PDE4A: variants seen among roughly 807,000 people sequenced by gnomAD.
PDE4A encodes phosphodiesterase 4A.
PDE4A carries 21 observed loss-of-function variants against 73.9 expected under a neutral mutation model. That is an observed-to-expected ratio of 0.28 (90% confidence interval 0.20 to 0.41). PDE4A has a LOEUF of 0.41. Ranked by LOEUF, PDE4A falls within the 10% of genes least tolerant of loss-of-function variation. PDE4A has a pLI of 1.00. For missense variants in PDE4A, 958 were observed against 1,211.4 expected, an observed-to-expected ratio of 0.79 and a Z score of 3.10; for synonymous variants, 463 against 505.4, an observed-to-expected ratio of 0.92 and a Z score of 1.13.
Position 10,420,829 on chromosome 19 carries a change from G to T in PDE4A, c.65G>T (p.Gly22Val). ...LSLSLPGPREGQATLKPPPQH... is the reference protein window; with the variant it reads ...LSLSLPGPREVQATLKPPPQH... ...CTGTCACTGCCCGGGCCCCGGGAGG[G>T]CCAGGCCACCCTGAAGCCTCCCCCG... Residue 22 changes from glycine (G) to valine (V), a missense_variant, in exon 1 of 15, where the codon GGC becomes GTC. Coordinates refer to ENST00000380702, the MANE Select transcript of PDE4A (RefSeq NM_001111307.2). This position sits in a 1 kb window ranked among gnomAD's most constrained non-coding sequence, Gnocchi z 6.0. 6.3e-7 allele frequency: 1 copy of T among 1,588,424 alleles called. No homozygotes were observed.
At chr19:10,419,156 C>A, upstream of PDE4A, 3 of 883,540 alleles carry the variant, frequency 3.4e-6, no homozygotes, top group East Asian at 3.0e-4. Flanking sequence ...TGACAGGGGG[C>A]GCACGGGGGC....
Position 10,425,984 on chromosome 19 carries a change from C to CAAAAAAAAA in PDE4A, c.320+4921_320+4929dup, listed in dbSNP as rs1168197109. Among the ~76,000 whole-genome samples the CAAAAAAAAA allele has an allele frequency of 4.5e-4, 22 of 48,388 alleles. 1 individual carries two copies. Among genetic ancestry groups the CAAAAAAAAA allele is most frequent in the African/African-American group, 1.4e-3 (15 of 10,764 alleles). The allele number at this position is 48,388 out of a possible 152,430, so 31.7% of individuals were successfully genotyped here. On this transcript the variant is annotated intron_variant, in intron 1 of 14. Coordinates refer to ENST00000380702, the MANE Select transcript of PDE4A (RefSeq NM_001111307.2). ...TCTGGGCGAGAGACTGAGACCCTGT[C>CAAAAAAAAA]AAAAAAAAAAAAAAAAAAAAAAAAA...
chr19:10,463,339 C>T (rs2043307260), intron 13 of PDE4A, among the ~76,000 whole-genome samples: 1 of 151,520 alleles, frequency 6.6e-6, no homozygotes, highest in Admixed American at 6.6e-5. Context: ...ATCTGCCCAC[C>T]TTGGCCTCCC....
intron 1 of PDE4A, among the ~76,000 whole-genome samples, chr19:10,442,042 G>A (rs911301259): frequency 1.3e-5 from 2 of 152,016 alleles, no homozygotes; most frequent in Non-Finnish European, 2.9e-5. Context: ...CAGCACCATC[G>A]TTTTGAAAAG....
intron 14 of PDE4A, 167 bp from the exon 15 acceptor site, chr19:10,466,720 C>T (rs1758205496): frequency 1.8e-6 from 1 of 563,234 alleles, no homozygotes; most frequent in South Asian, 7.8e-5. Flanking sequence ...TCTCGAACTC[C>T]TGACCTCAAA....
upstream of PDE4A, among the ~76,000 whole-genome samples, chr19:10,419,287 T>TG (rs1448273724): frequency 3.7e-5 from 2 of 53,728 alleles, no homozygotes; most frequent in African/African-American, 7.5e-5. Flanking sequence ...CAGCCATCCT[T>TG]GGGGGGGTTG....
chr19:10,423,249 T>G (rs1290706294), intron 1 of PDE4A: 3 of 486,238 alleles, frequency 6.2e-6, no homozygotes, highest in Non-Finnish European at 8.0e-6. Flanking sequence ...ACCTCTGCCT[T>G]CCGGATTCAA....
chr19:10,417,688 G>T, upstream of PDE4A: 1 of 1,595,660 alleles, frequency 6.3e-7, no homozygotes, highest in South Asian at 1.1e-5. Flanking sequence ...GAATCCGACC[G>T]TGCCAACATG....
At chr19:10,420,484 A>T, upstream of PDE4A, 1 of 831,304 alleles carries the variant, frequency 1.2e-6, no homozygotes, top group Non-Finnish European at 1.5e-6. The surrounding 1 kb of genome is among the most constrained non-coding windows in gnomAD (Gnocchi z 6.0). Flanking sequence ...GACGGGGCGG[A>T]GGAGCCGGGG....
chr19:10,457,717 C>T (rs1276719724), intron 7 of PDE4A, 162 bp from the exon 8 acceptor site: 1 of 893,184 alleles, frequency 1.1e-6, no homozygotes, highest in Non-Finnish European at 1.3e-6. Context: ...TTCCCACATC[C>T]CCTCTGGTTT....
chr19:10,442,782 ATAC>A (rs1364265075), intron 1 of PDE4A, among the ~76,000 whole-genome samples: 7 of 148,780 alleles, frequency 4.7e-5, no homozygotes, highest in Non-Finnish European at 5.9e-5. Context: ...CTATTATCAC[ATAC>A]TACTAATATA....
intron 1 of PDE4A, chr19:10,428,849 A>G (rs535979285): frequency 1.0e-6 from 1 of 985,410 alleles, no homozygotes; most frequent in Non-Finnish European, 1.2e-6. Context: ...ATAGAGATTC[A>G]CTGTTGGGCG....
chr19:10,456,959 A>G (rs2043179480), intron 7 of PDE4A, among the ~76,000 whole-genome samples: 1 of 152,178 alleles, frequency 6.6e-6, no homozygotes, highest in Non-Finnish European at 1.5e-5. Flanking sequence ...GCACTTTGGG[A>G]GGCCGAGGCA....
chr19:10,433,906 G>T (rs375405561), intron 1 of PDE4A, among the ~76,000 whole-genome samples: 1 of 151,732 alleles, frequency 6.6e-6, no homozygotes, highest in African/African-American at 2.4e-5. Flanking sequence ...GACACTCGTC[G>T]CAGCTTTGTA....
Position 10,459,383 on chromosome 19 carries a change from GCCTCCGTCTCCAC to G in PDE4A, c.1102-15_1102-3del, listed in dbSNP as rs773520970. 6.2e-7 allele frequency: 1 copy of G among 1,614,156 alleles called. No individual in the cohort carries two copies. The highest frequency in any genetic ancestry group is 1.1e-5 in the South Asian group (1 of 91,086). ...GAGCCTTACAGGCTTCTGACCTCTGGCCTCCGTCTCCACCAGGAACTGGAGAACCTGAACAAGT... is the reference window on the plus strand; with the variant it reads ...GAGCCTTACAGGCTTCTGACCTCTGGCAGGAACTGGAGAACCTGAACAAGT... On this transcript the variant is annotated splice_polypyrimidine_tract_variant and splice_region_variant and intron_variant, in intron 8 of 14. Coordinates refer to ENST00000380702, the MANE Select transcript of PDE4A (RefSeq NM_001111307.2).
At chr19:10,448,255 A>C (rs1216668203) in intron 2 of PDE4A, among the ~76,000 whole-genome samples, 2 of 151,666 alleles carry the variant, frequency 1.3e-5, no homozygotes, top group Non-Finnish European at 2.9e-5. Flanking sequence ...GTGCGTCACC[A>C]CACCCAGCTA....
At chr19:10,438,738 C>T (rs2042898463) in intron 1 of PDE4A, among the ~76,000 whole-genome samples, 2 of 152,130 alleles carry the variant, frequency 1.3e-5, no homozygotes, top group Non-Finnish European at 2.9e-5. Context: ...CTCCGAGTAG[C>T]TGGGATTACA....
At chr19:10,462,030 AG>A (rs1343267579) in intron 13 of PDE4A, 31 bp downstream of exon 13, 1 of 1,586,230 alleles carries the variant, frequency 6.3e-7, no homozygotes, top group East Asian at 2.2e-5. Flanking sequence ...CTAAGGAGGG[AG>A]GACACTCCCC....
intron 1 of PDE4A, among the ~76,000 whole-genome samples, chr19:10,443,528 G>C (rs1187309428): frequency 2.8e-5 from 4 of 142,756 alleles, no homozygotes; most frequent in African/African-American, 5.2e-5. Context: ...CTGGGTAAGA[G>C]AGTGAGACCC....
Sources: allele counts gnomAD v4.1 joint callset (sites outside exome capture counted in the v4.1 genomes callset), GRCh38; gene constraint gnomAD v4.1.1; non-coding constraint Gnocchi (gnomAD v3.1); transcripts MANE v1.5; gene names NCBI Gene and HGNC (gene_info 2026-07-23, HGNC 2026-07-21).